The following DLGAP2 variants were observed in gnomAD, a reference collection of about 807,000 sequenced individuals.
DLGAP2 encodes disks large-associated protein 2.
A neutral mutation model predicts 100.3 loss-of-function variants in DLGAP2; 26 were observed. That is an observed-to-expected ratio of 0.26 (90% confidence interval 0.19 to 0.36). The LOEUF is 0.36. Among genes scored for constraint, DLGAP2 ranks in the 10% least tolerant of loss-of-function variants. The pLI, the probability that DLGAP2 is intolerant of heterozygous loss-of-function variation, is 1.00. For missense variants in DLGAP2, 1,858 were observed against 1,453.2 expected (o/e 1.28, Z -4.53); for synonymous variants, 886 against 630.1 (o/e 1.41, Z -6.08).
intron 3 of DLGAP2, among the ~76,000 whole-genome samples, chr8:1,495,025 C>T (rs1407764449): frequency 6.6e-6 from 1 of 152,206 alleles, no homozygotes; most frequent in African/African-American, 2.4e-5. Context: ...TCATACGTGC[C>T]ATTTTTCTTC....
intron 4 of DLGAP2, among the ~76,000 whole-genome samples, chr8:1,544,933 A>G (rs1388013198): frequency 6.6e-6 from 1 of 151,958 alleles, no homozygotes; most frequent in Non-Finnish European, 1.5e-5. Context: ...GGGTTTCACC[A>G]TGTTGGCCAG....
intron 3 of DLGAP2, among the ~76,000 whole-genome samples, chr8:1,320,408 G>T (rs1800868154): frequency 6.6e-6 from 1 of 152,090 alleles, no homozygotes; most frequent in African/African-American, 2.4e-5. Flanking sequence ...CGGAGGAGGA[G>T]GACGGGACAC....
chr8:1,548,458 GAAAAAAAAAA>G (rs773138776), intron 4 of DLGAP2, among the ~76,000 whole-genome samples, 158 bp from the exon 5 acceptor site: 40 of 41,584 alleles, frequency 9.6e-4, no homozygotes, highest in East Asian at 2.1e-3. Flanking sequence ...GACTGTCTCA[GAAAAAAAAAA>G]AAAAAAAAAA....
intron 4 of DLGAP2, among the ~76,000 whole-genome samples, chr8:1,522,483 A>G (rs1300569243): frequency 6.6e-6 from 1 of 152,188 alleles, no homozygotes; most frequent in African/African-American, 2.4e-5. Context: ...TCAGAGCCTC[A>G]CGCACGGGTG....
At chr8:760,324 C>G (rs949032032) in intron 1 of DLGAP2, among the ~76,000 whole-genome samples, 5 of 152,178 alleles carry the variant, frequency 3.3e-5, no homozygotes, top group Non-Finnish European at 7.3e-5. Context: ...CTCTTTAGGC[C>G]TGAATGCAGC....
chr8:1,368,248 G>A (rs1008475701), intron 3 of DLGAP2, among the ~76,000 whole-genome samples: 1 of 151,978 alleles, frequency 6.6e-6, no homozygotes, highest in African/African-American at 2.4e-5. Flanking sequence ...GTATGTGTGA[G>A]CATGTGTGTG....
At chr8:1,664,339 A>G (rs186008187) in intron 8 of DLGAP2, among the ~76,000 whole-genome samples, 25 of 152,176 alleles carry the variant, frequency 1.6e-4, no homozygotes, top group African/African-American at 6.0e-4. Context: ...GCTTCCCAGG[A>G]GCAGCTCCAT....
At chr8:893,284 T>G (rs1798073846) in intron 1 of DLGAP2, among the ~76,000 whole-genome samples, 1 of 152,146 alleles carries the variant, frequency 6.6e-6, no homozygotes, top group South Asian at 2.1e-4. Flanking sequence ...TGATGACGTT[T>G]TGCAGAATGT....
chr8:912,096 C>G (rs917744725), intron 2 of DLGAP2, among the ~76,000 whole-genome samples: 12 of 152,150 alleles, frequency 7.9e-5, no homozygotes, highest in Non-Finnish European at 2.9e-5. Context: ...AGGAGACAGC[C>G]CATTCTACTG....
chr8:1,521,041 C>T (rs891462085), intron 4 of DLGAP2, among the ~76,000 whole-genome samples: 2 of 152,064 alleles, frequency 1.3e-5, no homozygotes, highest in South Asian at 2.1e-4. Flanking sequence ...GGATTCTGGC[C>T]GTTCTATTCG....
chr8:963,463 T>C (rs1799775270), intron 2 of DLGAP2, among the ~76,000 whole-genome samples: 1 of 152,242 alleles, frequency 6.6e-6, no homozygotes, highest in African/African-American at 2.4e-5. Flanking sequence ...GGTACATATA[T>C]GCATTTTTGC....
chr8:1,199,157 A>C (rs1229114231), intron 2 of DLGAP2, among the ~76,000 whole-genome samples: 2 of 152,242 alleles, frequency 1.3e-5, no homozygotes, highest in Non-Finnish European at 2.9e-5. Flanking sequence ...CAGTCGTCTG[A>C]ATTACTGAAG....
chr8:849,274 CAG>C (rs1219799676), intron 1 of DLGAP2, among the ~76,000 whole-genome samples: 1 of 152,156 alleles, frequency 6.6e-6, no homozygotes, highest in Non-Finnish European at 1.5e-5. Flanking sequence ...TAGGATCACA[CAG>C]AGTCTGTTCC....
At chr8:832,455 G>A (rs1796800520) in intron 1 of DLGAP2, among the ~76,000 whole-genome samples, 1 of 152,198 alleles carries the variant, frequency 6.6e-6, no homozygotes, top group Non-Finnish European at 1.5e-5. Flanking sequence ...TACAGTCATT[G>A]CCTGCATTCT....
In DLGAP2 at chr8:860,530, G is replaced by A. The variant is rs1049542427; in HGVS notation, c.19-47382G>A. Among the ~76,000 whole-genome samples the A allele has an allele frequency of 2.6e-5, 4 of 152,190 alleles. No homozygotes were observed. The East Asian group carries it at 5.8e-4, about 22-fold the overall frequency. On this transcript the variant is annotated intron_variant, in intron 1 of 14. Coordinates refer to ENST00000637795, the MANE Select transcript of DLGAP2 (RefSeq NM_001346810.2). ...AGAATGGGAAGGGTGGACGCCTCCC[G>A]GCAAACCGTCTGCATTTGCATAACA... is the stretch of plus-strand genomic sequence containing the variant.
At chr8:1,106,828 G>A (rs1804790334) in intron 2 of DLGAP2, among the ~76,000 whole-genome samples, 1 of 152,188 alleles carries the variant, frequency 6.6e-6, no homozygotes, top group Admixed American at 6.5e-5. Flanking sequence ...ACTTACTTGT[G>A]AGTGACACCT....
chr8:827,799 G>C (rs1796709059), intron 1 of DLGAP2, among the ~76,000 whole-genome samples: 1 of 152,182 alleles, frequency 6.6e-6, no homozygotes, highest in South Asian at 2.1e-4. Context: ...AAGAAACTGA[G>C]GACACATTTA....
intron 2 of DLGAP2, among the ~76,000 whole-genome samples, chr8:1,238,477 C>G (rs1239643569): frequency 1.5e-5 from 2 of 132,766 alleles, no homozygotes; most frequent in Non-Finnish European, 3.4e-5. Context: ...CACATGGCAC[C>G]ATGTCTGCTT....
At chr8:838,872 C>T (rs1431591187) in intron 1 of DLGAP2, among the ~76,000 whole-genome samples, 1 of 152,170 alleles carries the variant, frequency 6.6e-6, no homozygotes, top group Non-Finnish European at 1.5e-5. Flanking sequence ...GGAGCGAGAG[C>T]ATGTCTGTGG....
Sources: allele counts gnomAD v4.1 joint callset (sites outside exome capture counted in the v4.1 genomes callset), GRCh38; gene constraint gnomAD v4.1.1; transcripts MANE v1.5; gene names NCBI Gene and HGNC (gene_info 2026-07-23, HGNC 2026-07-21).